B4GALT6: variants seen among roughly 807,000 people sequenced by gnomAD.
B4GALT6 encodes the protein UDP-Gal:beta-GlcNAc beta-1,4-galactosyltransferase 6.
In B4GALT6, 14 loss-of-function variants were observed where a neutral mutation model predicts 46.3. The ratio of observed to expected loss-of-function variants is 0.30; its 90% confidence interval spans 0.20 to 0.47. B4GALT6 has a LOEUF of 0.47. B4GALT6 is among the 20% of genes least tolerant of loss of function. The probability of loss-of-function intolerance (pLI) is 0.99; values close to 1 mark genes in which losing one functional copy is unlikely to be tolerated. For missense variants in B4GALT6, 386 were observed against 480.1 expected (o/e 0.80, Z 1.83); for synonymous variants, 168 against 162.0 (o/e 1.04, Z -0.28).
chr18:31,680,258 G>A (rs1177173234), intron 1 of B4GALT6, among the ~76,000 whole-genome samples: 5 of 152,214 alleles, frequency 3.3e-5, no homozygotes, highest in Non-Finnish European at 7.3e-5. Context: ...GCCAGGGCCA[G>A]GAGGCTAAAG....
At chr18:31,669,595 A>G (rs2074326278) in intron 1 of B4GALT6, among the ~76,000 whole-genome samples, 1 of 152,238 alleles carries the variant, frequency 6.6e-6, no homozygotes, top group Non-Finnish European at 1.5e-5. Context: ...TTTGGTAACT[A>G]CAAAAACATG....
intron 4 of B4GALT6, among the ~76,000 whole-genome samples, chr18:31,642,421 C>T (rs2073941303): frequency 6.6e-6 from 1 of 152,178 alleles, no homozygotes; most frequent in Non-Finnish European, 1.5e-5. Context: ...GTACATTGGA[C>T]TATAAATGAA....
At chr18:31,626,899 T>A in intron 7 of B4GALT6, 100 bp downstream of exon 7, 1 of 1,011,128 alleles carries the variant, frequency 9.9e-7, no homozygotes, top group South Asian at 1.7e-5. Context: ...ACATATCCCA[T>A]CCCAAAGAAT....
At chr18:31,674,234 A>G (rs1168214823) in intron 1 of B4GALT6, among the ~76,000 whole-genome samples, 1 of 152,226 alleles carries the variant, frequency 6.6e-6, no homozygotes, top group Admixed American at 6.5e-5. Context: ...AGTTAACATA[A>G]GTAGAATTAA....
intron 2 of B4GALT6, among the ~76,000 whole-genome samples, chr18:31,660,281 C>T (rs1376452667): frequency 6.6e-6 from 1 of 151,946 alleles, no homozygotes; most frequent in Non-Finnish European, 1.5e-5. Flanking sequence ...TACATATATA[C>T]CAAAATTCTT....
At chr18:31,699,703 A>T in the B4GALT6 span, among the ~76,000 whole-genome samples, 1 of 152,172 alleles carries the variant, frequency 6.6e-6, no homozygotes, top group South Asian at 2.1e-4. Context: ...AAAGGAAGAA[A>T]CAGTGGTGAC....
At chr18:31,711,030 G>A in the B4GALT6 span, among the ~76,000 whole-genome samples, 1 of 152,168 alleles carries the variant, frequency 6.6e-6, no homozygotes, top group Non-Finnish European at 1.5e-5. Flanking sequence ...GTAATGCACA[G>A]CCTGCAATCT....
the B4GALT6 span, among the ~76,000 whole-genome samples, chr18:31,699,636 GAAAAAAA>G: frequency 9.6e-6 from 1 of 104,146 alleles, no homozygotes; most frequent in East Asian, 2.9e-4. Context: ...TCTCTTCCTG[GAAAAAAA>G]AAAAAAAAAA....
chr18:31,723,512 C>G, the B4GALT6 span, among the ~76,000 whole-genome samples: 3 of 152,072 alleles, frequency 2.0e-5, no homozygotes, highest in Non-Finnish European at 4.4e-5. Flanking sequence ...TAAGTCAAGG[C>G]AGGATGACAG....
intron 3 of B4GALT6, among the ~76,000 whole-genome samples, chr18:31,647,010 T>C (rs769907577): frequency 2.6e-5 from 4 of 152,220 alleles, no homozygotes; most frequent in Admixed American, 6.5e-5. Context: ...GAGAAACCTA[T>C]GAACTTGCAG....
At chr18:31,629,966 A>C (rs1351584962) in intron 6 of B4GALT6, among the ~76,000 whole-genome samples, 9 of 150,984 alleles carry the variant, frequency 6.0e-5, no homozygotes, top group African/African-American at 2.2e-4. Context: ...TTTTCTAATG[A>C]TAACAATGAC....
At chr18:31,635,696 T>C (rs560705830) in intron 5 of B4GALT6, among the ~76,000 whole-genome samples, 69 of 152,296 alleles carry the variant, frequency 4.5e-4, no homozygotes, top group Non-Finnish European at 6.9e-4. Context: ...TGGGTGCCTG[T>C]AATTCCAGCT....
upstream of B4GALT6, chr18:31,684,771 G>C: frequency 5.6e-6 from 6 of 1,078,352 alleles, no homozygotes; most frequent in Non-Finnish European, 6.8e-6. Context: ...GGCGGGAGGA[G>C]GGGCTGCAGG....
chr18:31,692,524 G>T, the B4GALT6 span, among the ~76,000 whole-genome samples: 1 of 145,054 alleles, frequency 6.9e-6, no homozygotes, highest in East Asian at 2.0e-4. Flanking sequence ...GGAAGCATTT[G>T]ATATGATTAA....
chr18:31,626,799 C>T lies in B4GALT6; in HGVS notation c.899+200G>A, dbSNP rs561622126. 9.2e-5 allele frequency among the ~76,000 whole-genome samples: 14 copies of T among 151,802 alleles called. 2 individuals carry two copies. The South Asian group carries it at 2.1e-3, about 23-fold the overall frequency. ...CCCTGGTGCCAAAAAAGTTGGGGAC[C>T]GCTGCTCTAATTATATGCTGCCAAT... On this transcript the variant is annotated intron_variant, in intron 7 of 8. Coordinates refer to ENST00000306851, the MANE Select transcript of B4GALT6 (RefSeq NM_004775.5).
the B4GALT6 span, among the ~76,000 whole-genome samples, chr18:31,701,019 T>C: frequency 6.6e-6 from 1 of 152,108 alleles, no homozygotes; most frequent in South Asian, 2.1e-4. Context: ...ACAAAAACAA[T>C]GGAACAAAAT....
chr18:31,721,759 G>A, the B4GALT6 span, among the ~76,000 whole-genome samples: 1 of 152,278 alleles, frequency 6.6e-6, no homozygotes, highest in East Asian at 1.9e-4. Context: ...TCAGACTCAA[G>A]ACTACAACAA....
chr18:31,681,471 ATCCC>A (rs1220549162), intron 1 of B4GALT6, among the ~76,000 whole-genome samples: 3 of 152,212 alleles, frequency 2.0e-5, no homozygotes, highest in Non-Finnish European at 4.4e-5. Flanking sequence ...TGTAAAGACT[ATCCC>A]TGTGTTTCCT....
intron 2 of B4GALT6, among the ~76,000 whole-genome samples, chr18:31,661,139 A>T (rs931022841): frequency 2.6e-5 from 4 of 152,204 alleles, no homozygotes; most frequent in Non-Finnish European, 4.4e-5. Flanking sequence ...TCACAACTAG[A>T]CTCAGGAAAA....
Sources: allele counts gnomAD v4.1 joint callset (sites outside exome capture counted in the v4.1 genomes callset), GRCh38; gene constraint gnomAD v4.1.1; transcripts MANE v1.5; gene names NCBI Gene and HGNC (gene_info 2026-07-23, HGNC 2026-07-21).